Variants in INSL6 observed in about 807,000 individuals in gnomAD.
INSL6 encodes insulin like 6, also known as insulin-like peptide INSL6.
A neutral mutation model predicts 9.4 loss-of-function variants in INSL6; 16 were observed. That is an observed-to-expected ratio of 1.70 (90% CI 1.15 to 2.59). INSL6 has a LOEUF of 2.59. Among genes scored for constraint, INSL6 ranks in the 30% most tolerant of loss-of-function variants. INSL6 has a pLI of 0.00. For missense variants in INSL6, 391 were observed against 257.3 expected, an observed-to-expected ratio of 1.52 and a Z score of -3.56; for synonymous variants, 154 against 96.9, an observed-to-expected ratio of 1.59 and a Z score of -3.46.
intron 1 of INSL6, among the ~76,000 whole-genome samples, chr9:5,166,493 A>G (rs1252066111): frequency 6.6e-6 from 1 of 152,204 alleles, no homozygotes; most frequent in Admixed American, 6.5e-5. Context: ...ATACAGCAGA[A>G]AAAAAGAAAT....
the INSL6 span, among the ~76,000 whole-genome samples, chr9:4,999,908 T>A: frequency 1.6e-4 from 25 of 152,234 alleles, no homozygotes; most frequent in Non-Finnish European, 3.5e-4. Context: ...AGGACAATTA[T>A]TAGATATTCT....
chr9:5,001,018 T>C, the INSL6 span, among the ~76,000 whole-genome samples: 1 of 152,184 alleles, frequency 6.6e-6, no homozygotes, highest in Middle Eastern at 3.2e-3. Context: ...TAGTAGAGTA[T>C]ATAGAAATAC....
the INSL6 span, chr9:5,029,917 CA>C: frequency 6.4e-7 from 1 of 1,569,840 alleles, no homozygotes; most frequent in Non-Finnish European, 8.6e-7. Context: ...GTACTTTCTT[CA>C]GTAAAGTAAC....
intron 2 of INSL6, among the ~76,000 whole-genome samples, chr9:5,138,158 G>C (rs912759968): frequency 1.1e-4 from 17 of 152,330 alleles, no homozygotes; most frequent in African/African-American, 4.1e-4. Flanking sequence ...TTCAACCATT[G>C]TGGAAGATAG....
the INSL6 span, chr9:5,055,835 A>G: frequency 4.6e-6 from 7 of 1,520,802 alleles, no homozygotes; most frequent in Non-Finnish European, 6.3e-6. Context: ...TATAGTTCTC[A>G]GAAATGTGTA....
chr9:5,080,389 A>G, the INSL6 span: 1 of 1,603,014 alleles, frequency 6.2e-7, no homozygotes, highest in South Asian at 1.1e-5. Flanking sequence ...GAGTAAGTTT[A>G]TATAGACTAA....
At chr9:5,029,680 G>A in the INSL6 span, 18 of 1,047,436 alleles carry the variant, frequency 1.7e-5, no homozygotes, top group South Asian at 5.5e-5. Flanking sequence ...ATTTTGTTCC[G>A]ATTTTAAGAG....
Position 5,185,453 on chromosome 9 carries a change from C to G in INSL6, c.150G>C (p.Trp50Cys). 6.2e-7 allele frequency: 1 copy of G among 1,614,184 alleles called. No homozygotes were observed. The highest frequency in any genetic ancestry group is 8.5e-7 in the Non-Finnish European group (1 of 1,180,032). ...TTTCCTCCTCGAAACGGAACTGGCT[C>G]CAGTTGGCATGGCCGCAGAGTTTTT... ...EIEKLCGHAN[W>C]SQFRFEEETP... Residue 50 changes from tryptophan (W) to cysteine (C), a missense_variant, in exon 1 of 2, where the codon TGG (tryptophan) becomes TGC (cysteine). Transcript: ENST00000381641.
chr9:5,135,597 A>G, intron 2 of INSL6, among the ~76,000 whole-genome samples: 1 of 152,212 alleles, frequency 6.6e-6, no homozygotes, highest in East Asian at 1.9e-4. Flanking sequence ...ACAATGTACC[A>G]GAATCTCTAG....
chr9:5,029,986 G>T, the INSL6 span: 2 of 1,275,226 alleles, frequency 1.6e-6, no homozygotes, highest in South Asian at 1.5e-5. Context: ...TAATTGCAAG[G>T]TACTTAATAC....
At chr9:5,100,000 C>A in the INSL6 span, 2 of 152,194 alleles carry the variant, frequency 1.3e-5, no homozygotes, top group Non-Finnish European at 2.9e-5. Context: ...AACCATTAGC[C>A]TATTTATTCA....
chr9:5,145,382 C>G (rs1455703242), intron 2 of INSL6, among the ~76,000 whole-genome samples: 1 of 152,090 alleles, frequency 6.6e-6, no homozygotes, highest in African/African-American at 2.4e-5. Flanking sequence ...CTCTAGCTGC[C>G]TTTAATATTT....
chr9:5,150,945 G>A (rs1044591252), intron 2 of INSL6, among the ~76,000 whole-genome samples: 3 of 151,932 alleles, frequency 2.0e-5, no homozygotes, highest in African/African-American at 7.3e-5. Flanking sequence ...GGGTGGAACT[G>A]GAGGCTATTA....
chr9:5,178,247 C>G (rs1422354381), intron 1 of INSL6, among the ~76,000 whole-genome samples: 6 of 152,116 alleles, frequency 3.9e-5, no homozygotes, highest in African/African-American at 1.2e-4. Flanking sequence ...TTCAGCCACT[C>G]CAGCCAGGGT....
intron 2 of INSL6, among the ~76,000 whole-genome samples, chr9:5,155,736 A>G (rs1420533164): frequency 3.2e-5 from 4 of 124,138 alleles, no homozygotes; most frequent in East Asian, 5.3e-4. Flanking sequence ...ACATGGACAC[A>G]GGGAGGGGAA....
At chr9:5,042,887 T>C in the INSL6 span, among the ~76,000 whole-genome samples, 1 of 152,194 alleles carries the variant, frequency 6.6e-6, no homozygotes, top group Admixed American at 6.5e-5. Context: ...CCGCAGCCTT[T>C]CACAGCCTGG....
chr9:5,051,992 C>T, the INSL6 span, among the ~76,000 whole-genome samples: 1 of 151,982 alleles, frequency 6.6e-6, no homozygotes, highest in Non-Finnish European at 1.5e-5. Flanking sequence ...TTCATTCATT[C>T]AACAGCTACT....
chr9:5,050,988 G>C, the INSL6 span, among the ~76,000 whole-genome samples: 1 of 152,066 alleles, frequency 6.6e-6, no homozygotes, highest in Non-Finnish European at 1.5e-5. Flanking sequence ...TCAGATTTTG[G>C]ATATTTCCAG....
chr9:5,028,556 T>G, the INSL6 span, among the ~76,000 whole-genome samples: 1 of 152,208 alleles, frequency 6.6e-6, no homozygotes, highest in Non-Finnish European at 1.5e-5. Flanking sequence ...AGCACTGACT[T>G]CTTTCTAGCT....
Sources: allele counts gnomAD v4.1 joint callset (sites outside exome capture counted in the v4.1 genomes callset), GRCh38; gene constraint gnomAD v4.1.1; transcripts MANE v1.5; gene names NCBI Gene and HGNC (gene_info 2026-07-23, HGNC 2026-07-21).